The following CCSER1 variants were observed in gnomAD, a reference collection of about 807,000 sequenced individuals.
CCSER1 encodes the protein coiled-coil serine rich protein 1.
Under a neutral mutation model 82.0 loss-of-function variants are expected in CCSER1, and 41 were observed. The ratio of observed to expected loss-of-function variants is 0.50; its 90% confidence interval spans 0.39 to 0.65. The LOEUF (loss-of-function observed/expected upper bound fraction) is 0.65, where lower values mean the gene tolerates loss of function less well. CCSER1 is among the 30% of genes least tolerant of loss of function. The pLI is 0.00. For synonymous variants in CCSER1, 414 were observed against 383.9 expected, an observed-to-expected ratio of 1.08 and a Z score of -0.92; for missense variants, 1,119 against 1,064.2, an observed-to-expected ratio of 1.05 and a Z score of -0.72.
chr4:91,437,007 T>C (rs995565107), intron 10 of CCSER1, among the ~76,000 whole-genome samples: 5 of 152,232 alleles, frequency 3.3e-5, no homozygotes, highest in African/African-American at 1.2e-4. Flanking sequence ...GAAGGCCTGC[T>C]GAGATCATAT....
At chr4:90,199,208 A>T (rs1024116854) in intron 1 of CCSER1, among the ~76,000 whole-genome samples, 1 of 152,142 alleles carries the variant, frequency 6.6e-6, no homozygotes, top group Non-Finnish European at 1.5e-5. Context: ...AAATACTTTT[A>T]AAAAGGGTAT....
chr4:90,876,001 G>A (rs1767156098), intron 8 of CCSER1, among the ~76,000 whole-genome samples: 1 of 152,204 alleles, frequency 6.6e-6, no homozygotes, highest in East Asian at 1.9e-4. Flanking sequence ...CATGAATAGG[G>A]TGCTTTGAGA....
intron 7 of CCSER1, among the ~76,000 whole-genome samples, chr4:90,807,909 T>G (rs1438768368): frequency 6.6e-6 from 1 of 152,116 alleles, no homozygotes; most frequent in Non-Finnish European, 1.5e-5. Flanking sequence ...TTAAAACTTA[T>G]GTGGAACCAA....
At chr4:90,438,340 G>C (rs2153570956) in intron 4 of CCSER1, among the ~76,000 whole-genome samples, 1 of 152,140 alleles carries the variant, frequency 6.6e-6, no homozygotes, top group South Asian at 2.1e-4. Context: ...TTTATTTTAA[G>C]GGTCATCACA....
At chr4:90,905,358 C>CTA (rs71596536) in intron 8 of CCSER1, among the ~76,000 whole-genome samples, 36,490 of 150,326 alleles carry the variant, frequency 0.24, 4,542 homozygotes, top group African/African-American at 0.28. Context: ...TCTAGTCACA[C>CTA]CACACACACA....
chr4:91,305,651 G>GTGTATGTA (rs149544926), intron 10 of CCSER1, among the ~76,000 whole-genome samples: 8 of 151,578 alleles, frequency 5.3e-5, no homozygotes, highest in African/African-American at 1.7e-4. Context: ...TTTTGTCAGT[G>GTGTATGTA]TGTATGTATG....
At chr4:91,595,265 C>T (rs1035451179) in intron 10 of CCSER1, among the ~76,000 whole-genome samples, 17 of 152,126 alleles carry the variant, frequency 1.1e-4, no homozygotes, top group African/African-American at 4.1e-4. Flanking sequence ...CTCTGCCTGA[C>T]TCTGCTTTCT....
chr4:91,521,973 G>A lies in CCSER1; in HGVS notation c.2218-76599G>A, dbSNP rs565757316. On this transcript the variant is annotated intron_variant, in intron 10 of 10. Coordinates refer to ENST00000509176, the MANE Select transcript of CCSER1 (RefSeq NM_001145065.2). ...CCTTGCCCATGCCTATGTCCTGAAT[G>A]GTATTGCCTAGATTTTCTTCTAGGG... 4.6e-5 allele frequency among the ~76,000 whole-genome samples: 7 copies of A among 152,226 alleles called. No individual in the cohort carries two copies. The East Asian group carries it at 5.8e-4, about 13-fold the overall frequency.
intron 8 of CCSER1, chr4:90,839,159 A>G (rs1029096820): frequency 1.1e-5 from 8 of 755,912 alleles, no homozygotes; most frequent in Non-Finnish European, 1.8e-5. Context: ...CTATATTGCT[A>G]ACTTCTTTGA....
chr4:90,501,265 T>C (rs545026098), intron 5 of CCSER1, among the ~76,000 whole-genome samples: 108 of 152,316 alleles, frequency 7.1e-4, no homozygotes, highest in African/African-American at 2.5e-3. Context: ...TAATAGAATG[T>C]TGGCTAAGTA....
chr4:90,262,424 A>G (rs776198275), intron 1 of CCSER1, among the ~76,000 whole-genome samples: 5 of 152,100 alleles, frequency 3.3e-5, no homozygotes, highest in Non-Finnish European at 5.9e-5. Flanking sequence ...TGTGTGGGCA[A>G]GTTCACTGTC....
chr4:90,856,451 T>C (rs909909231), intron 8 of CCSER1, among the ~76,000 whole-genome samples: 9 of 152,170 alleles, frequency 5.9e-5, no homozygotes, highest in Non-Finnish European at 1.3e-4. Flanking sequence ...TATAAAGTGA[T>C]TTTGAAATTT....
intron 10 of CCSER1, chr4:91,325,002 C>T: frequency 2.9e-6 from 1 of 347,374 alleles, no homozygotes; most frequent in Non-Finnish European, 5.6e-6. Context: ...GCAGATTTCC[C>T]CCTTATTGTT....
intron 8 of CCSER1, among the ~76,000 whole-genome samples, chr4:90,847,677 GAGAAAAAAAGGAAAAAGT>G (rs1242268896): frequency 1.3e-5 from 2 of 151,806 alleles, no homozygotes; most frequent in Non-Finnish European, 2.9e-5. Context: ...TAAAAAACAA[GAGAAAAAAAGGAAAAAGT>G]CGCAAATAAT....
intron 5 of CCSER1, among the ~76,000 whole-genome samples, chr4:90,588,679 G>T (rs1023819091): frequency 6.6e-6 from 1 of 152,164 alleles, no homozygotes; most frequent in African/African-American, 2.4e-5. Flanking sequence ...GAGGGACCCA[G>T]TGGGAGATAA....
chr4:90,709,434 G>C (rs1057074823), intron 6 of CCSER1, among the ~76,000 whole-genome samples: 1 of 151,628 alleles, frequency 6.6e-6, no homozygotes, highest in Admixed American at 6.6e-5. Context: ...CTCTCTTCCC[G>C]CTCAAACCCC....
intron 1 of CCSER1, among the ~76,000 whole-genome samples, chr4:90,185,164 C>T (rs571918135): frequency 2.0e-5 from 3 of 152,108 alleles, no homozygotes; most frequent in East Asian, 1.9e-4. Context: ...ACAATATGTG[C>T]GGATTAGGGA....
Position 90,763,399 on chromosome 4 carries a change from C to T in CCSER1, c.2010+39408C>T, listed in dbSNP as rs80268122. 4.6e-4 allele frequency among the ~76,000 whole-genome samples: 70 copies of T among 152,146 alleles called. 1 individual carries two copies. The East Asian group carries it at 0.011, about 24-fold the overall frequency. ...TAGGAGCCAGTGAAGCAAACAGATG[C>T]ACTGAAAAACAATATTAAAATTGTT... On this transcript the variant is annotated intron_variant, in intron 7 of 10. Transcript: ENST00000509176.
chr4:90,695,380 C>T lies in CCSER1; in HGVS notation c.1933-28534C>T, dbSNP rs1272701940. ...TTGACCTGTAGAAATTAGGTAATAACACTTACTATTATTGCACATTATCAA... is the reference window on the plus strand; with the variant it reads ...TTGACCTGTAGAAATTAGGTAATAATACTTACTATTATTGCACATTATCAA... On this transcript the variant is annotated intron_variant, in intron 6 of 10. Coordinates refer to ENST00000509176, the MANE Select transcript of CCSER1 (RefSeq NM_001145065.2). Among the ~76,000 whole-genome samples the T allele has an allele frequency of 3.9e-5, 6 of 151,990 alleles. No homozygotes were observed. In the East Asian group the frequency reaches 1.2e-3, roughly 29 times the overall value.
Sources: gnomAD v4.1 joint callset for allele counts (sites outside exome capture counted in the v4.1 genomes callset) on GRCh38, gnomAD v4.1.1 for gene constraint, MANE v1.5 for transcripts, NCBI Gene and HGNC (gene_info 2026-07-23, HGNC 2026-07-21) for gene names.